KCNQ1: variants seen among roughly 807,000 people sequenced by gnomAD.
KCNQ1 encodes the protein potassium voltage-gated channel subfamily Q member 1.
Under a neutral mutation model 72.4 loss-of-function variants are expected in KCNQ1, and 49 were observed. The ratio of observed to expected loss-of-function variants is 0.68; its 90% CI spans 0.54 to 0.86. The LOEUF (loss-of-function observed/expected upper bound fraction) is 0.86. KCNQ1 is among the 40% of genes least tolerant of loss of function. The pLI, the probability that KCNQ1 is intolerant of heterozygous loss-of-function variation, is 0.00. For synonymous variants in KCNQ1, 450 were observed against 412.6 expected (o/e 1.09, Z -1.10); for missense variants, 790 against 945.1 (o/e 0.84, Z 2.15).
intron 11 of KCNQ1, chr11:2,675,667 C>G (rs1335793220): frequency 5.0e-6 from 2 of 398,580 alleles, no homozygotes; most frequent in Non-Finnish European, 8.8e-6. Flanking sequence ...CCGCCCAGGG[C>G]CTGCCCTGAC....
rs1590032841 is a variant in KCNQ1 at position 2,687,513 on chromosome 11, G to T, written c.1514+25432G>T. The T allele has an allele frequency of 1.5e-5, 6 of 398,720 alleles. No homozygotes were observed. The East Asian group carries it at 2.1e-4, about 14-fold the overall frequency. 24.7% of individuals were successfully genotyped at this position (398,720 alleles called of 1,614,324 possible). On this transcript the variant is annotated intron_variant, in intron 11 of 15. Coordinates refer to ENST00000155840, the MANE Select transcript of KCNQ1 (RefSeq NM_000218.3). The surrounding 1 kb of genome is among the most constrained non-coding windows in gnomAD (Gnocchi z 5.0). ...CCAGGCACCCTAGGACTTGAGACCA[G>T]CCTCCTCTGTATGGTCCCTTCCCTG...
intron 11 of KCNQ1, among the ~76,000 whole-genome samples, chr11:2,721,186 T>C (rs1006359053): frequency 1.3e-5 from 2 of 152,170 alleles, no homozygotes; most frequent in African/African-American, 2.4e-5. Context: ...GGGAGACAAC[T>C]CGACAAGTTA....
intron 11 of KCNQ1, among the ~76,000 whole-genome samples, chr11:2,740,379 T>G (rs1846032058): frequency 6.6e-6 from 1 of 152,252 alleles, no homozygotes; most frequent in African/African-American, 2.4e-5. Flanking sequence ...AAACAGAGTC[T>G]ATTTAAGGAA....
rs1406262198 is a variant in KCNQ1 at position 2,809,291 on chromosome 11, C to A, written c.1794+31254C>A. Among the ~76,000 whole-genome samples, 2 of 152,176 alleles carry A rather than the reference C, an allele frequency of 1.3e-5. No homozygotes were observed. Among genetic ancestry groups the A allele is most frequent in the African/African-American group, 2.4e-5 (1 of 41,432 alleles). ...AAAAGAGAAATTCATTTCTAAATGT[C>A]ACTTTCAGGTTAAGGAAAATAAAAT... On this transcript the variant is annotated intron_variant, in intron 15 of 15. Coordinates refer to ENST00000155840, the MANE Select transcript of KCNQ1 (RefSeq NM_000218.3). This position sits in a 1 kb window ranked among gnomAD's most constrained non-coding sequence, Gnocchi z 7.1.
chr11:2,837,383 G>GC (rs1018014988), intron 15 of KCNQ1, among the ~76,000 whole-genome samples: 90 of 152,216 alleles, frequency 5.9e-4, no homozygotes, highest in Middle Eastern at 3.4e-3. Flanking sequence ...GCCCAGGAGA[G>GC]CCCGCTCCGC....
intron 1 of KCNQ1, among the ~76,000 whole-genome samples, chr11:2,465,613 G>A (rs1476417181): frequency 6.6e-6 from 1 of 152,208 alleles, no homozygotes; most frequent in East Asian, 1.9e-4. Flanking sequence ...CCTTGCTCAC[G>A]CTAGGTGCCT....
At chr11:2,456,765 C>CAA (rs61437708) in intron 1 of KCNQ1, among the ~76,000 whole-genome samples, 1,035 of 31,942 alleles carry the variant, frequency 0.032, 34 homozygotes, top group African/African-American at 0.11. Flanking sequence ...ACTAAAAATC[C>CAA]AAAAAAAAAA....
rs1341132160 is a variant in KCNQ1 at position 2,653,184 on chromosome 11, T to C, written c.1394-8777T>C. The C allele has an allele frequency of 7.5e-6, 3 of 398,610 alleles. No individual in the cohort carries two copies. The East Asian group carries it at 1.1e-4, about 14-fold the overall frequency. The allele number at this position is 398,610 out of a possible 1,614,324, so 24.7% of individuals were successfully genotyped here. A position where few individuals can be genotyped will look rare whatever the true frequency, so the allele number is the denominator to read the frequency against. ...CCTTAGGAAATCCCTTTCCAAGAGT[T>C]CCCTGTGCTGTTGCAGGGCTAGGGC... is the stretch of plus-strand genomic sequence containing the variant. On this transcript the variant is annotated intron_variant, in intron 10 of 15. Transcript: ENST00000155840. This position sits in a 1 kb window ranked among gnomAD's most constrained non-coding sequence, Gnocchi z 5.3.
chr11:2,650,127 G>A (rs1202071022), intron 10 of KCNQ1: 9 of 398,030 alleles, frequency 2.3e-5, no homozygotes, highest in Middle Eastern at 6.2e-4. Flanking sequence ...TCACCTCCAG[G>A]ATTTTTGTTT....
chr11:2,761,946 T>C (rs531367996), intron 11 of KCNQ1, among the ~76,000 whole-genome samples: 30 of 152,342 alleles, frequency 2.0e-4, no homozygotes, highest in African/African-American at 7.0e-4. Flanking sequence ...TGGCCCTCTG[T>C]GCAGAACAGG....
In KCNQ1 at chr11:2,468,888, T is replaced by G. The variant is rs1191222865; in HGVS notation, c.386+23404T>G. Among the ~76,000 whole-genome samples, 1 of 152,186 alleles carries G rather than the reference T, an allele frequency of 6.6e-6. No homozygotes were observed. Among genetic ancestry groups the G allele is most frequent in the Non-Finnish European group, 1.5e-5 (1 of 68,038 alleles). Reference sequence around the variant, plus strand: ...CTCTGTGCGAGCAAATGCTTTTGCTTCTCTTGTGCAAGCAAGTGGTTGAAC... The same window carrying G: ...CTCTGTGCGAGCAAATGCTTTTGCTGCTCTTGTGCAAGCAAGTGGTTGAAC... On this transcript the variant is annotated intron_variant, in intron 1 of 15. Coordinates refer to ENST00000155840, the MANE Select transcript of KCNQ1 (RefSeq NM_000218.3). The surrounding 1 kb of genome is among the most constrained non-coding windows in gnomAD (Gnocchi z 5.7).
chr11:2,694,383 AT>A, intron 11 of KCNQ1: 1 of 398,636 alleles, frequency 2.5e-6, no homozygotes, highest in Non-Finnish European at 4.4e-6. Context: ...TATCATGACT[AT>A]GGGAGAATTA....
In KCNQ1 at chr11:2,785,193, T is replaced by C. The variant is rs1846889227; in HGVS notation, c.1794+7156T>C. 6.6e-6 allele frequency among the ~76,000 whole-genome samples: 1 copy of C among 152,002 alleles called. No homozygotes were observed. Among genetic ancestry groups the C allele is most frequent in the Non-Finnish European group, 1.5e-5 (1 of 67,850 alleles). ...ATTTTTAGTGTGTTGAGAGCTCTCA[T>C]TATGAATGGATATTGGATTTTGTCA... On this transcript the variant is annotated intron_variant, in intron 15 of 15. Coordinates refer to ENST00000155840, the MANE Select transcript of KCNQ1 (RefSeq NM_000218.3). The surrounding 1 kb of genome is among the most constrained non-coding windows in gnomAD (Gnocchi z 4.4).
At chr11:2,733,020 C>T (rs1845880204) in intron 11 of KCNQ1, among the ~76,000 whole-genome samples, 1 of 152,158 alleles carries the variant, frequency 6.6e-6, no homozygotes, top group Non-Finnish European at 1.5e-5. Flanking sequence ...GGGTCTGGGA[C>T]ACAGCCACAC....
rs1256042214 is a variant in KCNQ1, at chr11:2,652,191, A to G, written c.1394-9770A>G. On this transcript the variant is annotated intron_variant, in intron 10 of 15. Transcript: ENST00000155840. This position sits in a 1 kb window ranked among gnomAD's most constrained non-coding sequence, Gnocchi z 5.9. ...GGGTGGGGCCCCAGCAGATGTCTGG[A>G]TTTGGTAGCCAGGGCCTGGAGCCGG... 2.5e-6 allele frequency: 1 copy of G among 398,550 alleles called. No individual in the cohort carries two copies. Among genetic ancestry groups the G allele is most frequent in the Non-Finnish European group, 4.4e-6 (1 of 226,086 alleles). The allele number at this position is 398,550 out of a possible 1,614,324, so 24.7% of individuals were successfully genotyped here. A position where few individuals can be genotyped will look rare whatever the true frequency, so the allele number is the denominator to read the frequency against.
chr11:2,798,902 G>A (rs2134021428), intron 15 of KCNQ1, among the ~76,000 whole-genome samples: 1 of 152,306 alleles, frequency 6.6e-6, no homozygotes, highest in East Asian at 1.9e-4. Flanking sequence ...AGGGGCTGGA[G>A]GAGCAGGAAC....
intron 11 of KCNQ1, among the ~76,000 whole-genome samples, chr11:2,738,925 G>T (rs988247568): frequency 6.6e-6 from 1 of 152,244 alleles, no homozygotes; most frequent in Non-Finnish European, 1.5e-5. Flanking sequence ...CCAGGTGGGT[G>T]AGCGAGGTGC....
In KCNQ1 at chr11:2,670,990, T is replaced by C; in HGVS notation, c.1514+8909T>C. 2.5e-6 allele frequency: 1 copy of C among 398,642 alleles called. No individual in the cohort carries two copies. The highest frequency in any genetic ancestry group is 2.1e-5 in the African/African-American group (1 of 48,760). 24.7% of individuals were successfully genotyped at this position (398,642 alleles called of 1,614,324 possible). A position where few individuals can be genotyped will look rare whatever the true frequency, so the allele number is the denominator to read the frequency against. On this transcript the variant is annotated intron_variant, in intron 11 of 15. Coordinates refer to ENST00000155840, the MANE Select transcript of KCNQ1 (RefSeq NM_000218.3). This position sits in a 1 kb window ranked among gnomAD's most constrained non-coding sequence, Gnocchi z 4.9. Reference sequence around the variant, plus strand: ...AGAGCCCCTGGCTAGGCATTCATGCTTTAGATATGTGGGCCCTGTTAGGGA... The same window carrying C: ...AGAGCCCCTGGCTAGGCATTCATGCCTTAGATATGTGGGCCCTGTTAGGGA...
rs746466413 is a variant in KCNQ1, at chr11:2,781,068, G to A, written c.1794+3031G>A. On this transcript the variant is annotated intron_variant, in intron 15 of 15. Coordinates refer to ENST00000155840, the MANE Select transcript of KCNQ1 (RefSeq NM_000218.3). The surrounding 1 kb of genome is among the most constrained non-coding windows in gnomAD (Gnocchi z 6.6). ...TCCTCACAGCGAGTCTACTTCCTGCGGGCCTCCCTCCCCTGTCAAATGAGA... is the reference window on the plus strand; with the variant it reads ...TCCTCACAGCGAGTCTACTTCCTGCAGGCCTCCCTCCCCTGTCAAATGAGA... Among the ~76,000 whole-genome samples, 17 of 152,070 alleles carry A rather than the reference G, an allele frequency of 1.1e-4. No individual in the cohort carries two copies. The highest frequency in any genetic ancestry group is 1.0e-4 in the Non-Finnish European group (7 of 68,030).
Sources: gnomAD v4.1 joint callset for allele counts (sites outside exome capture counted in the v4.1 genomes callset) on GRCh38, gnomAD v4.1.1 for gene constraint, Gnocchi (gnomAD v3.1) non-coding constraint, MANE v1.5 for transcripts, NCBI Gene and HGNC (gene_info 2026-07-23, HGNC 2026-07-21) for gene names.